Variants in NSD1 observed in about 807,000 individuals in gnomAD.
The protein encoded by NSD1 is nuclear receptor binding SET domain protein 1.
A neutral mutation model predicts 242.7 loss-of-function variants in NSD1; 26 were observed. The observed-to-expected ratio is 0.11, with a 90% confidence interval of 0.08 to 0.15. The LOEUF (loss-of-function observed/expected upper bound fraction) is 0.15. Ranked by LOEUF, NSD1 falls within the 10% of genes least tolerant of loss-of-function variation. The probability of loss-of-function intolerance (pLI) is 1.00; values close to 1 mark genes in which losing one functional copy is unlikely to be tolerated. For missense variants in NSD1, 2,495 were observed against 3,272.8 expected (o/e 0.76, Z 5.80); for synonymous variants, 1,106 against 1,178.1 (o/e 0.94, Z 1.25).
Position 177,269,569 on chromosome 5 carries a change from A to G in NSD1, c.5304-33A>G, listed in dbSNP as rs376292571. The G allele has an allele frequency of 1.3e-6, 2 of 1,599,420 alleles. No homozygotes were observed. The highest frequency in any genetic ancestry group is 1.7e-6 in the Non-Finnish European group (2 of 1,166,924). On this transcript the variant is annotated intron_variant, in intron 15 of 22. Coordinates refer to ENST00000439151, the MANE Select transcript of NSD1 (RefSeq NM_022455.5). The surrounding 1 kb of genome is among the most constrained non-coding windows in gnomAD (Gnocchi z 5.1). ...TTTTCCTAATGCCTTGCAGCCTTCTAGAGGTTTTCCTTCTCCTTTTCACCT... is the reference window on the plus strand; with the variant it reads ...TTTTCCTAATGCCTTGCAGCCTTCTGGAGGTTTTCCTTCTCCTTTTCACCT...
At chr5:177,189,097 C>G (rs1761473905) in intron 2 of NSD1, among the ~76,000 whole-genome samples, 1 of 152,106 alleles carries the variant, frequency 6.6e-6, no homozygotes, top group African/African-American at 2.4e-5. Context: ...ATATCTTACC[C>G]TAGAATTAGG....
chr5:177,133,326 G>T (rs1755996355), upstream of NSD1, among the ~76,000 whole-genome samples: 1 of 152,188 alleles, frequency 6.6e-6, no homozygotes, highest in Middle Eastern at 3.2e-3. The surrounding 1 kb of genome is among the most constrained non-coding windows in gnomAD (Gnocchi z 6.2). Flanking sequence ...GCCGCGCCAG[G>T]TGCCGCCTGG....
At chr5:177,264,262 A>G (rs890905964) in intron 14 of NSD1, among the ~76,000 whole-genome samples, 1 of 152,032 alleles carries the variant, frequency 6.6e-6, no homozygotes, top group African/African-American at 2.4e-5. Flanking sequence ...GCATGATGTT[A>G]AAAACTTTGC....
chr5:177,199,613 T>TG (rs776032109), intron 3 of NSD1, among the ~76,000 whole-genome samples: 1 of 151,482 alleles, frequency 6.6e-6, no homozygotes, highest in African/African-American at 2.4e-5. Context: ...TCTTTTCTTT[T>TG]TTTTTGAGAT....
At chr5:177,257,531 G>C (rs112326097) in intron 13 of NSD1, among the ~76,000 whole-genome samples, 1 of 151,344 alleles carries the variant, frequency 6.6e-6, no homozygotes, top group Admixed American at 6.6e-5. Context: ...GCGCCCGGCC[G>C]GCAACAGATA....
chr5:177,220,714 G>T (rs898317686), intron 5 of NSD1, among the ~76,000 whole-genome samples: 1 of 151,790 alleles, frequency 6.6e-6, no homozygotes, highest in Non-Finnish European at 1.5e-5. Context: ...GGGATTACAA[G>T]CGTGCACCAA....
chr5:177,183,035 C>T (rs1385122143), intron 2 of NSD1, among the ~76,000 whole-genome samples: 1 of 152,088 alleles, frequency 6.6e-6, no homozygotes, highest in African/African-American at 2.4e-5. Context: ...CCTTGGCTTC[C>T]GAAAGTGCTG....
chr5:177,295,055 G>A lies in NSD1; in HGVS notation c.7687G>A (p.Ala2563Thr), dbSNP rs1177085582. The change falls in exon 23 of 23, where the codon GCT (alanine) becomes ACT (threonine). Residue 2563 changes from alanine to threonine, a missense_variant. Transcript: ENST00000439151. The surrounding 1 kb of genome is among the most constrained non-coding windows in gnomAD (Gnocchi z 4.3). The stretch of plus-strand genomic sequence containing the variant: ...GGCCTCAGGAAGAGCTTCTGCAGGG[G>A]CTGAGCAGACCCCAGGGCCTCTTAG... ...TQASGRASAG[A>T]EQTPGPLSQS... 1.2e-6 allele frequency: 2 copies of A among 1,613,634 alleles called. No homozygotes were observed. Among genetic ancestry groups the A allele is most frequent in the South Asian group, 2.2e-5 (2 of 91,012 alleles).
chr5:177,195,455 C>CTG (rs370084666), intron 3 of NSD1, among the ~76,000 whole-genome samples: 56 of 150,900 alleles, frequency 3.7e-4, no homozygotes, highest in South Asian at 6.2e-4. Context: ...ATTAGGGTGT[C>CTG]TCTCTCTCTC....
intron 2 of NSD1, among the ~76,000 whole-genome samples, chr5:177,158,237 A>C (rs1022768183): frequency 9.2e-6 from 1 of 109,046 alleles, no homozygotes; most frequent in African/African-American, 3.5e-5. Flanking sequence ...ATGGGTTCTA[A>C]TTTCTTTCTT....
At chr5:177,158,141 G>A (rs558886004) in intron 2 of NSD1, among the ~76,000 whole-genome samples, 1 of 152,228 alleles carries the variant, frequency 6.6e-6, no homozygotes, top group South Asian at 2.1e-4. Context: ...TCGGATCATA[G>A]GGTCATTCTA....
chr5:177,155,561 C>CTTTT (rs58025377), intron 2 of NSD1, among the ~76,000 whole-genome samples: 2 of 96,592 alleles, frequency 2.1e-5, no homozygotes, highest in African/African-American at 3.5e-5. Context: ...ACCGCACTGG[C>CTTTT]TTTTTTTTTT....
In NSD1 at chr5:177,148,375, C is replaced by T. The variant is rs1757427792; in HGVS notation, c.927+12345C>T. Reference sequence around the variant, plus strand: ...CCAGGTGATCCACCCTCCTCAGCCTCCCAAAGTGCTGGGATTACAGGCGTG... The same window carrying T: ...CCAGGTGATCCACCCTCCTCAGCCTTCCAAAGTGCTGGGATTACAGGCGTG... On this transcript the variant is annotated intron_variant, in intron 2 of 22. Coordinates refer to ENST00000439151, the MANE Select transcript of NSD1 (RefSeq NM_022455.5). Among the ~76,000 whole-genome samples, 3 of 152,156 alleles carry T rather than the reference C, an allele frequency of 2.0e-5. No individual in the cohort carries two copies. In the South Asian group the frequency reaches 6.2e-4, roughly 31 times the overall value.
chr5:177,133,616 C>T (rs1203794212), upstream of NSD1: 1 of 150,038 alleles, frequency 6.7e-6, no homozygotes, highest in Admixed American at 6.6e-5. This position sits in a 1 kb window ranked among gnomAD's most constrained non-coding sequence, Gnocchi z 6.2. Context: ...CCGACTTCAC[C>T]CGCCCTGAAC....
intron 5 of NSD1, among the ~76,000 whole-genome samples, chr5:177,227,369 A>G (rs553816938): frequency 3.3e-4 from 50 of 152,046 alleles, no homozygotes; most frequent in Non-Finnish European, 6.3e-4. Context: ...ATAAGTTGAT[A>G]AGGAGGCAGA....
chr5:177,140,316 G>A (rs1755800361), intron 2 of NSD1, among the ~76,000 whole-genome samples: 1 of 152,202 alleles, frequency 6.6e-6, no homozygotes, highest in African/African-American at 2.4e-5. Context: ...GGCATTTTCA[G>A]AGGATACTTG....
chr5:177,293,191 A>G (rs1216190850), intron 22 of NSD1, among the ~76,000 whole-genome samples: 1 of 152,146 alleles, frequency 6.6e-6, no homozygotes, highest in Non-Finnish European at 1.5e-5. Context: ...TTGAAGGTGG[A>G]AACACTGTCC....
intron 4 of NSD1, among the ~76,000 whole-genome samples, chr5:177,206,891 G>A (rs1289205567): frequency 6.7e-6 from 1 of 150,138 alleles, no homozygotes; most frequent in African/African-American, 2.4e-5. Context: ...CAGATTGTCC[G>A]TTTGATCCTT....
Position 177,218,487 on chromosome 5 carries a change from C to T in NSD1, c.3796+6292C>T, listed in dbSNP as rs933166251. On this transcript the variant is annotated intron_variant, in intron 5 of 22. Coordinates refer to ENST00000439151, the MANE Select transcript of NSD1 (RefSeq NM_022455.5). ...TGGGGTCCTTTATTCTGTTAATGTG[C>T]TGTATTCTGTTGATTTTTTTTTTCT... 7.9e-5 allele frequency among the ~76,000 whole-genome samples: 12 copies of T among 151,178 alleles called. 1 individual carries two copies. The highest frequency in any genetic ancestry group is 3.4e-3 in the Middle Eastern group (1 of 294).
Sources: allele counts gnomAD v4.1 joint callset (sites outside exome capture counted in the v4.1 genomes callset), GRCh38; gene constraint gnomAD v4.1.1; non-coding constraint Gnocchi (gnomAD v3.1); transcripts MANE v1.5; gene names NCBI Gene and HGNC (gene_info 2026-07-23, HGNC 2026-07-21).